Variants in KCNIP4 observed in about 807,000 individuals in gnomAD.
KCNIP4 encodes Kv channel-interacting protein 4.
Under a neutral mutation model 34.0 loss-of-function variants are expected in KCNIP4, and 12 were observed. That is an observed-to-expected ratio of 0.35 (90% CI 0.23 to 0.57). KCNIP4 has a LOEUF of 0.57. Among genes scored for constraint, KCNIP4 ranks in the 20% least tolerant of loss-of-function variants. KCNIP4 has a pLI of 0.83. For synonymous variants in KCNIP4, 124 were observed against 102.2 expected (o/e 1.21, Z -1.29); for missense variants, 238 against 311.7 (o/e 0.76, Z 1.78).
chr4:20,929,148 C>A (rs1274514343), intron 1 of KCNIP4, among the ~76,000 whole-genome samples: 1 of 151,898 alleles, frequency 6.6e-6, no homozygotes, highest in Non-Finnish European at 1.5e-5. Flanking sequence ...TATTAGCAAA[C>A]AAAATTCAAC....
intron 1 of KCNIP4, among the ~76,000 whole-genome samples, chr4:21,583,628 C>T (rs1322888253): frequency 6.6e-6 from 1 of 151,982 alleles, no homozygotes; most frequent in Non-Finnish European, 1.5e-5. Flanking sequence ...TAATGCAATT[C>T]CAATATAAAT....
At chr4:21,758,230 C>T (rs900411660) in intron 1 of KCNIP4, among the ~76,000 whole-genome samples, 1 of 152,102 alleles carries the variant, frequency 6.6e-6, no homozygotes, top group African/African-American at 2.4e-5. Flanking sequence ...GTGAATAAAA[C>T]CAACAACCTC....
rs1730265827 is a variant in KCNIP4, at chr4:21,469,365, A to C, written c.61+479206T>G. 2.0e-5 allele frequency among the ~76,000 whole-genome samples: 3 copies of C among 152,260 alleles called. No individual in the cohort carries two copies. In the South Asian group the frequency reaches 6.2e-4, roughly 32 times the overall value. ...CTGGCCAATATACATTATTTTTATC[A>C]TAACCAATCCTCCCTTTTTAAAATT... On this transcript the variant is annotated intron_variant, in intron 1 of 8. Transcript: ENST00000382152.
chr4:21,262,173 C>T (rs1397306105), intron 1 of KCNIP4, among the ~76,000 whole-genome samples: 1 of 152,046 alleles, frequency 6.6e-6, no homozygotes, highest in Non-Finnish European at 1.5e-5. Context: ...ACCTTTTTCC[C>T]CTTTCTACAC....
intron 1 of KCNIP4, among the ~76,000 whole-genome samples, chr4:21,491,047 AT>A (rs148975674): frequency 0.019 from 2,957 of 151,984 alleles, 93 homozygotes; most frequent in East Asian, 0.12. Context: ...GGCTTATACT[AT>A]TTTTTTTAAA....
chr4:21,389,227 T>A (rs1722312484), intron 1 of KCNIP4, among the ~76,000 whole-genome samples: 1 of 152,070 alleles, frequency 6.6e-6, no homozygotes, highest in Admixed American at 6.6e-5. Context: ...GCAATCCATC[T>A]GCCTCAGTCT....
chr4:21,293,925 A>T (rs1179115761), intron 1 of KCNIP4, among the ~76,000 whole-genome samples: 4 of 152,178 alleles, frequency 2.6e-5, no homozygotes, highest in African/African-American at 9.7e-5. Flanking sequence ...GGAGGCAGGA[A>T]CACGGTGGTT....
chr4:21,701,204 G>C (rs1043663543), intron 1 of KCNIP4, among the ~76,000 whole-genome samples: 4 of 152,178 alleles, frequency 2.6e-5, no homozygotes, highest in Non-Finnish European at 4.4e-5. Flanking sequence ...ATCTAGAAAA[G>C]TTGAACTCAT....
chr4:20,923,797 G>A (rs765511370), intron 1 of KCNIP4, among the ~76,000 whole-genome samples: 1 of 152,078 alleles, frequency 6.6e-6, no homozygotes, highest in Non-Finnish European at 1.5e-5. Flanking sequence ...GTATCTTTAG[G>A]GGAAGAAAAG....
At chr4:21,511,664 A>G (rs13145740) in intron 1 of KCNIP4, among the ~76,000 whole-genome samples, 67,160 of 151,956 alleles carry the variant, frequency 0.44, 16,053 homozygotes, top group East Asian at 0.61. Context: ...ACGGGAGCTC[A>G]TGACATCCAC....
rs576274089 is a variant in KCNIP4, at chr4:21,711,488, C to CA, written c.61+237082dup. ...AGAGCGAGACTCCGTCTCAAAAAAA[C>CA]AAAAAAAAAGGAAAAGGAAACAGCA... On this transcript the variant is annotated intron_variant, in intron 1 of 8. Transcript: ENST00000382152. Among the ~76,000 whole-genome samples, 819 of 146,062 alleles carry CA rather than the reference C, an allele frequency of 5.6e-3. 12 individuals are homozygous for CA. The highest frequency in any genetic ancestry group is 0.038 in the South Asian group (176 of 4,588).
intron 1 of KCNIP4, among the ~76,000 whole-genome samples, chr4:21,629,407 T>C (rs1745555979): frequency 1.3e-5 from 2 of 152,146 alleles, no homozygotes; most frequent in Non-Finnish European, 2.9e-5. Context: ...GAAGCAATAA[T>C]ACTAACTACT....
At position 21,134,511 on chromosome 4, in the gene KCNIP4, G is replaced by C. The variant is rs111867403; in HGVS notation, c.62-251802C>G. On this transcript the variant is annotated intron_variant, in intron 1 of 8. Transcript: ENST00000382152. Reference sequence around the variant, plus strand: ...TACATGAATTTTCAACTGCAAACGGGGGTCAGCATCCCTAACCTCTGTAAG... The same window carrying C: ...TACATGAATTTTCAACTGCAAACGGCGGTCAGCATCCCTAACCTCTGTAAG... 1.3e-5 allele frequency among the ~76,000 whole-genome samples: 2 copies of C among 152,186 alleles called. 1 individual carries two copies. Among genetic ancestry groups the C allele is most frequent in the African/African-American group, 4.8e-5 (2 of 41,528 alleles).
At chr4:20,877,060 C>T (rs1390506560) in intron 2 of KCNIP4, among the ~76,000 whole-genome samples, 1 of 152,160 alleles carries the variant, frequency 6.6e-6, no homozygotes, top group Non-Finnish European at 1.5e-5. Flanking sequence ...GAAGGCTGAC[C>T]TTTGTGGACA....
At chr4:21,034,172 A>G (rs1253561817) in intron 1 of KCNIP4, among the ~76,000 whole-genome samples, 3 of 152,198 alleles carry the variant, frequency 2.0e-5, no homozygotes, top group Non-Finnish European at 2.9e-5. Flanking sequence ...TTTACATCTC[A>G]TTATTAGGAT....
rs1736014604 is a variant in KCNIP4, at chr4:21,526,876, A to C, written c.61+421695T>G. Among the ~76,000 whole-genome samples the C allele has an allele frequency of 3.3e-5, 5 of 152,196 alleles. No individual in the cohort carries two copies. The South Asian group carries it at 1.0e-3, about 32-fold the overall frequency. ...CTCCTCCAGTAGCAGATGAGTTTTA[A>C]TGAAATGCCTGGGCAATGTGAGGAA... is the stretch of plus-strand genomic sequence containing the variant. On this transcript the variant is annotated intron_variant, in intron 1 of 8. Transcript: ENST00000382152.
At chr4:21,704,938 G>GTCA (rs1048861582) in intron 1 of KCNIP4, among the ~76,000 whole-genome samples, 1 of 152,094 alleles carries the variant, frequency 6.6e-6, no homozygotes, top group Non-Finnish European at 1.5e-5. Context: ...ATTTTGACTT[G>GTCA]TCATAGTCTT....
intron 1 of KCNIP4, among the ~76,000 whole-genome samples, chr4:21,616,424 TTGTC>T (rs1311996702): frequency 6.6e-6 from 1 of 152,192 alleles, no homozygotes; most frequent in East Asian, 1.9e-4. Flanking sequence ...GCAGAAGTCT[TTGTC>T]TGAATTGTTT....
intron 1 of KCNIP4, among the ~76,000 whole-genome samples, chr4:21,710,304 C>T (rs1050048789): frequency 4.6e-5 from 7 of 152,222 alleles, no homozygotes; most frequent in African/African-American, 1.7e-4. Context: ...TCACACACTC[C>T]CCTGGAACTT....
Sources: gnomAD v4.1 joint callset for allele counts (sites outside exome capture counted in the v4.1 genomes callset) on GRCh38, gnomAD v4.1.1 for gene constraint, MANE v1.5 for transcripts, NCBI Gene and HGNC (gene_info 2026-07-23, HGNC 2026-07-21) for gene names.